The following ZBTB10 variants were observed in gnomAD, a reference collection of about 807,000 sequenced individuals.
ZBTB10 encodes zinc finger and BTB domain-containing protein 10.
In ZBTB10, 32 loss-of-function variants were observed where a neutral mutation model predicts 76.4. That is an observed-to-expected ratio of 0.42 (90% CI 0.32 to 0.56). The LOEUF (loss-of-function observed/expected upper bound fraction) is 0.56, where lower values mean the gene tolerates loss of function less well. Among genes scored for constraint, ZBTB10 ranks in the 20% least tolerant of loss-of-function variants. ZBTB10 has a pLI of 0.14. For missense variants in ZBTB10, 1,057 were observed against 1,098.5 expected (o/e 0.96, Z 0.53); for synonymous variants, 523 against 432.9 (o/e 1.21, Z -2.58).
At position 80,521,065 on chromosome 8, in the gene ZBTB10, T is replaced by C. The variant is rs1405534823; in HGVS notation, c.*1537T>C. The C allele has an allele frequency of 6.6e-6, 1 of 151,948 alleles. No homozygotes were observed. Among genetic ancestry groups the C allele is most frequent in the Non-Finnish European group, 1.5e-5 (1 of 67,848 alleles). The allele number at this position is 151,948 out of a possible 1,614,324, so 9.4% of individuals were successfully genotyped here. A position where few individuals can be genotyped will look rare whatever the true frequency, so the allele number is the denominator to read the frequency against. On this transcript the variant is annotated 3_prime_UTR_variant, in exon 6 of 6. Transcript: ENST00000455036. The stretch of plus-strand genomic sequence containing the variant: ...AATTGCAAAGATGCTTTGACAGATA[T>C]AATCCCTTTGGTGCTCCATCTGATC...
At chr8:80,518,717 A>G in intron 4 of ZBTB10, 65 bp from the exon 5 acceptor site, 1 of 1,507,776 alleles carries the variant, frequency 6.6e-7, no homozygotes, top group Non-Finnish European at 8.8e-7. Context: ...AGAGATAAGA[A>G]GTTTTGATAG....
intron 2 of ZBTB10, among the ~76,000 whole-genome samples, chr8:80,513,147 G>T (rs547568232): frequency 6.7e-6 from 1 of 150,260 alleles, no homozygotes; most frequent in Non-Finnish European, 1.5e-5. Context: ...GACAAAAACT[G>T]TTTTTTCTTT....
chr8:80,513,339 T>C (rs909519804), intron 2 of ZBTB10, among the ~76,000 whole-genome samples: 1 of 152,042 alleles, frequency 6.6e-6, no homozygotes, highest in African/African-American at 2.4e-5. Context: ...GGTGTGGTTT[T>C]TCCATGTTGA....
chr8:80,485,728 T>C, upstream of ZBTB10: 1 of 1,492,152 alleles, frequency 6.7e-7, no homozygotes. Flanking sequence ...GGTCCAGTCT[T>C]TGTGAAGGAA....
chr8:80,495,928 T>C (rs1385303728), intron 1 of ZBTB10, among the ~76,000 whole-genome samples: 1 of 152,262 alleles, frequency 6.6e-6, no homozygotes, highest in Non-Finnish European at 1.5e-5. Flanking sequence ...CATATTTAGC[T>C]CTGAATGTCT....
chr8:80,509,607 G>C (rs1816140428), intron 2 of ZBTB10, among the ~76,000 whole-genome samples: 1 of 152,066 alleles, frequency 6.6e-6, no homozygotes, highest in Non-Finnish European at 1.5e-5. Flanking sequence ...ACCAAGATTA[G>C]TCTTGTCTTT....
chr8:80,487,185 C>T lies in ZBTB10; in HGVS notation c.375C>T (p.Phe125=), dbSNP rs1363260178. The T allele has an allele frequency of 3.9e-6, 6 of 1,537,350 alleles. No individual in the cohort carries two copies. The highest frequency in any genetic ancestry group is 2.5e-5 in the East Asian group (1 of 40,286). ...LAERNRRTLA[F]RGGGGGGLGN... is the part of the protein sequence containing the mutation. The stretch of plus-strand genomic sequence containing the variant: ...AAAGGAACCGTCGGACTCTGGCCTT[C>T]CGAGGCGGCGGCGGCGGGGGTCTCG... Residue 125 remains phenylalanine (F), a synonymous_variant, in exon 1 of 6, where the codon TTC becomes TTT. Coordinates refer to ENST00000455036, the MANE Select transcript of ZBTB10 (RefSeq NM_001105539.3).
chr8:80,508,093 A>G (rs999377183), intron 2 of ZBTB10, among the ~76,000 whole-genome samples: 1 of 152,206 alleles, frequency 6.6e-6, no homozygotes, highest in Admixed American at 6.5e-5. Context: ...TGACCCAAGA[A>G]GTGGCTACAC....
rs1030645957 is a variant in ZBTB10, at chr8:80,487,110, G to A, written c.300G>A (p.Ala100=). The change falls in exon 1 of 6, where the codon GCG becomes GCA. Residue 100 remains alanine (A), a synonymous_variant. Coordinates refer to ENST00000455036, the MANE Select transcript of ZBTB10 (RefSeq NM_001105539.3). The part of the protein sequence containing the change: ...EAKELLLPQD[A]GGPTSLGGGA... Reference sequence around the variant, plus strand: ...AGGAGTTGCTGCTCCCCCAAGACGCGGGCGGCCCCACCTCGCTTGGCGGTG... The same window carrying A: ...AGGAGTTGCTGCTCCCCCAAGACGCAGGCGGCCCCACCTCGCTTGGCGGTG... The A allele has an allele frequency of 4.0e-6, 6 of 1,518,564 alleles. No homozygotes were observed. The Admixed American group carries it at 6.3e-5, about 16-fold the overall frequency. The allele number at this position is 1,518,564 out of a possible 1,614,324, so 94.1% of individuals were successfully genotyped here. A position where few individuals can be genotyped will look rare whatever the true frequency, so the allele number is the denominator to read the frequency against.
intron 2 of ZBTB10, among the ~76,000 whole-genome samples, chr8:80,503,058 A>G (rs1443899589): frequency 6.6e-6 from 1 of 152,188 alleles, no homozygotes; most frequent in East Asian, 1.9e-4. Flanking sequence ...ATCAGCAAAT[A>G]TTACTATATT....
chr8:80,494,124 TC>T (rs1342577039), intron 1 of ZBTB10, among the ~76,000 whole-genome samples: 1 of 152,252 alleles, frequency 6.6e-6, no homozygotes, highest in African/African-American at 2.4e-5. Context: ...TTTTGTTCTT[TC>T]AGTATATTCC....
rs572248712 is a variant in ZBTB10 at position 80,522,604 on chromosome 8, T to A, written c.*3076T>A. On this transcript the variant is annotated 3_prime_UTR_variant, in exon 6 of 6. Coordinates refer to ENST00000455036, the MANE Select transcript of ZBTB10 (RefSeq NM_001105539.3). ...GGGAAACTGAACAGTAATGAGTAGC[T>A]TTGAAATTGGGGAAAACACACTAGC... 3.9e-5 allele frequency: 6 copies of A among 152,032 alleles called. No homozygotes were observed. In the East Asian group the frequency reaches 1.2e-3, roughly 29 times the overall value. The allele number at this position is 152,032 out of a possible 1,614,324, so 9.4% of individuals were successfully genotyped here.
intron 2 of ZBTB10, among the ~76,000 whole-genome samples, chr8:80,502,750 A>AG (rs397787910): frequency 1.3e-5 from 2 of 151,836 alleles, no homozygotes; most frequent in Admixed American, 6.6e-5. Context: ...AAAAAAAAAA[A>AG]GACTTTCACC....
chr8:80,487,093 C>A lies in ZBTB10; in HGVS notation c.283C>A (p.Leu95Met). The A allele has an allele frequency of 6.6e-7, 1 of 1,519,076 alleles. No individual in the cohort carries two copies. 94.1% of individuals were successfully genotyped at this position (1,519,076 alleles called of 1,614,324 possible). A position where few individuals can be genotyped will look rare whatever the true frequency, so the allele number is the denominator to read the frequency against. The change falls in exon 1 of 6, where the codon CTG becomes ATG. Residue 95 changes from leucine (L) to methionine (M), a missense_variant. Around this residue, in one of 5 missense-constraint regions of ZBTB10, gnomAD observed 556 missense variants for 451.7 expected, o/e 1.23. Coordinates refer to ENST00000455036, the MANE Select transcript of ZBTB10 (RefSeq NM_001105539.3). ...AGAAEEAKEL[L>M]LPQDAGGPTS... is the part of the protein sequence containing the mutation. ...CGCCGCCGAGGAAGCCAAGGAGTTG[C>A]TGCTCCCCCAAGACGCGGGCGGCCC... is the stretch of plus-strand genomic sequence containing the variant.
At position 80,499,496 on chromosome 8, in the gene ZBTB10, G is replaced by A. The variant is rs747180385; in HGVS notation, c.975G>A (p.Glu325=). ...TAATGTTTTTTATCCAATTACAGGA[G>A]TCAGAAATACCATCAGAGGAGGGGT... ...EHKLHEANAQ[E]SEIPSEEGYC... is the part of the protein sequence containing the mutation. Residue 325 remains glutamate (E), a splice_region_variant and synonymous_variant, in exon 2 of 6, where the codon GAG becomes GAA. Coordinates refer to ENST00000455036, the MANE Select transcript of ZBTB10 (RefSeq NM_001105539.3). 1.3e-6 allele frequency: 2 copies of A among 1,577,696 alleles called. No individual in the cohort carries two copies. Among genetic ancestry groups the A allele is most frequent in the South Asian group, 1.2e-5 (1 of 84,250 alleles).
intron 1 of ZBTB10, among the ~76,000 whole-genome samples, chr8:80,497,731 A>C (rs1483510748): frequency 7.9e-6 from 1 of 127,038 alleles, no homozygotes; most frequent in Non-Finnish European, 1.6e-5. Flanking sequence ...TCTGTTGCCC[A>C]GACTGGAGTG....
chr8:80,500,206 A>G lies in ZBTB10; in HGVS notation c.1685A>G (p.Asn562Ser), dbSNP rs1436949667. Residue 562 changes from asparagine to serine, a missense_variant, in exon 2 of 6, where the codon AAT (asparagine) becomes AGT (serine). This residue lies in a region of ZBTB10 where 306 missense variants were observed against 297.5 expected (regional missense o/e 1.03). Coordinates refer to ENST00000455036, the MANE Select transcript of ZBTB10 (RefSeq NM_001105539.3). ...EGQTKVFIWN[N>S]MGSQGIQETG... is the part of the protein sequence containing the mutation. Reference sequence around the variant, plus strand: ...CAAACAAAAGTGTTTATTTGGAATAATATGGGCTCCCAGGGAATTCAAGAG... The same window carrying G: ...CAAACAAAAGTGTTTATTTGGAATAGTATGGGCTCCCAGGGAATTCAAGAG... 5 of 1,602,212 alleles carry G rather than the reference A, an allele frequency of 3.1e-6. No individual in the cohort carries two copies. The highest frequency in any genetic ancestry group is 4.3e-6 in the Non-Finnish European group (5 of 1,173,592).
Position 80,520,327 on chromosome 8 carries a change from T to C in ZBTB10, c.*799T>C, listed in dbSNP as rs1816423310. On this transcript the variant is annotated 3_prime_UTR_variant, in exon 6 of 6. Coordinates refer to ENST00000455036, the MANE Select transcript of ZBTB10 (RefSeq NM_001105539.3). ...GTAACTTTCTTCTGCTGCTCTAATC[T>C]GATAAATGGTTACTATATGATATTT... The C allele has an allele frequency of 6.5e-6, 1 of 152,692 alleles. No homozygotes were observed. The highest frequency in any genetic ancestry group is 2.1e-4 in the South Asian group (1 of 4,832). 9.5% of individuals were successfully genotyped at this position (152,692 alleles called of 1,614,324 possible).
chr8:80,509,210 G>T (rs994147592), intron 2 of ZBTB10, among the ~76,000 whole-genome samples: 1 of 152,152 alleles, frequency 6.6e-6, no homozygotes, highest in Non-Finnish European at 1.5e-5. Context: ...TTATGGGGGG[G>T]AAAAGCACCA....
Sources: gnomAD v4.1 joint callset for allele counts (sites outside exome capture counted in the v4.1 genomes callset) on GRCh38, gnomAD v4.1.1 for gene constraint, gnomAD v4.1.1 regional missense constraint, MANE v1.5 for transcripts, NCBI Gene and HGNC (gene_info 2026-07-23, HGNC 2026-07-21) for gene names.